SPG11: variants seen among roughly 807,000 people sequenced by gnomAD.
SPG11 encodes SPG11 vesicle trafficking associated, spatacsin, also known as spatacsin.
SPG11 carries 222 observed loss-of-function variants against 274.0 expected under a neutral mutation model. The observed-to-expected ratio is 0.81, with a 90% CI of 0.73 to 0.91. The LOEUF is 0.91. SPG11 is among the 40% of genes least tolerant of loss of function. The pLI, the probability that SPG11 is intolerant of heterozygous loss-of-function variation, is 0.00. For synonymous variants in SPG11, 1,144 were observed against 1,039.7 expected (o/e 1.10, Z -1.93); for missense variants, 3,114 against 2,872.7 (o/e 1.08, Z -1.92).
intron 15 of SPG11, among the ~76,000 whole-genome samples, chr15:44,618,106 G>C (rs899372485): frequency 6.6e-6 from 1 of 152,174 alleles, no homozygotes; most frequent in African/African-American, 2.4e-5. Context: ...AACTTGGTAA[G>C]ACTTGATAGC....
At chr15:44,587,662 C>T (rs1283969716) in intron 28 of SPG11, among the ~76,000 whole-genome samples, 2 of 125,198 alleles carry the variant, frequency 1.6e-5, no homozygotes, top group African/African-American at 6.1e-5. Context: ...TGCCACTGCA[C>T]TCCAGCTTGG....
intron 11 of SPG11, among the ~76,000 whole-genome samples, chr15:44,623,824 G>C (rs1367977743): frequency 6.6e-6 from 1 of 151,964 alleles, no homozygotes; most frequent in African/African-American, 2.4e-5. Flanking sequence ...GCAGTGGTGT[G>C]ATCTCAGGTC....
At chr15:44,567,073 C>A (rs1296364266) in intron 36 of SPG11, among the ~76,000 whole-genome samples, 1 of 150,418 alleles carries the variant, frequency 6.6e-6, no homozygotes, top group Non-Finnish European at 1.5e-5. Flanking sequence ...TATCGAGGGC[C>A]GGGCATGGTG....
chr15:44,606,001 C>A, intron 20 of SPG11, 24 bp downstream of exon 20: 1 of 1,601,616 alleles, frequency 6.2e-7, no homozygotes, highest in Non-Finnish European at 8.6e-7. Flanking sequence ...AAACATGTCT[C>A]AAGAAGTACC....
intron 30 of SPG11, among the ~76,000 whole-genome samples, chr15:44,579,548 A>C (rs1717980226): frequency 1.3e-5 from 2 of 151,650 alleles, no homozygotes. Flanking sequence ...AAAAAAAAAA[A>C]AGAAAAAGCA....
chr15:44,596,735 G>C, intron 24 of SPG11, 49 bp downstream of exon 24: 1 of 1,152,956 alleles, frequency 8.7e-7, no homozygotes, highest in Middle Eastern at 2.5e-4. Flanking sequence ...TATCTTCTAA[G>C]AAGTGTTCCT....
At chr15:44,654,746 G>T (rs562810080) in intron 4 of SPG11, among the ~76,000 whole-genome samples, 1 of 151,940 alleles carries the variant, frequency 6.6e-6, no homozygotes, top group African/African-American at 2.4e-5. Context: ...TGAGACAGGA[G>T]AATCGCTTGA....
Position 44,657,061 on chromosome 15 carries a change from T to A in SPG11, c.869+34A>T, listed in dbSNP as rs759060916. On this transcript the variant is annotated intron_variant, in intron 4 of 39. Transcript: ENST00000261866. The stretch of plus-strand genomic sequence containing the variant: ...TTAACCTCTTATCAGTCTAACTATT[T>A]ACCTCAAATTAGAAACTGCAGTCAT... 8 of 1,589,046 alleles carry A rather than the reference T, an allele frequency of 5.0e-6. No individual in the cohort carries two copies. In the South Asian group the frequency reaches 8.9e-5, roughly 18 times the overall value.
intron 17 of SPG11, among the ~76,000 whole-genome samples, chr15:44,612,662 C>T (rs529290883): frequency 2.8e-4 from 42 of 152,258 alleles, no homozygotes; most frequent in Admixed American, 5.2e-4. Flanking sequence ...TCCCAAAGCA[C>T]TGGGATTACA....
Position 44,621,796 on chromosome 15 carries a change from TGTTA to T in SPG11, c.2579_2582del (p.Leu860HisfsTer10). On this transcript the variant is annotated frameshift_variant, in exon 14 of 40. Coordinates refer to ENST00000261866, the MANE Select transcript of SPG11 (RefSeq NM_025137.4). LOFTEE classifies it high-confidence loss of function. ...TCCTGGGGAGAAGGATGGATTCTTG[TGTTA>T]GTTGATCCCACCACAGAGCCCAATT... 1 of 1,614,066 alleles carries T rather than the reference TGTTA, an allele frequency of 6.2e-7. No individual in the cohort carries two copies. The highest frequency in any genetic ancestry group is 8.5e-7 in the Non-Finnish European group (1 of 1,179,966).
At position 44,569,397 on chromosome 15, in the gene SPG11, C is replaced by A; in HGVS notation, c.6585+1G>T. The A allele has an allele frequency of 6.3e-7, 1 of 1,595,014 alleles. No individual in the cohort carries two copies. The highest frequency in any genetic ancestry group is 1.1e-5 in the South Asian group (1 of 88,394). On this transcript the variant is annotated splice_donor_variant, in intron 35 of 39. Transcript: ENST00000261866. LOFTEE classifies it high-confidence loss of function. ...CCTGGAGCTCATTACTTTGCACCTACCGGATCCAACTTCTTCCTCATTAGC... is the reference window on the plus strand; with the variant it reads ...CCTGGAGCTCATTACTTTGCACCTAACGGATCCAACTTCTTCCTCATTAGC...
In SPG11 at chr15:44,562,846, AAGT is replaced by A. The variant is rs2082220288; in HGVS notation, c.*272_*274del. 4 of 396,762 alleles carry A rather than the reference AAGT, an allele frequency of 1.0e-5. No individual in the cohort carries two copies. Among genetic ancestry groups the A allele is most frequent in the Admixed American group, 8.2e-5 (2 of 24,322 alleles). The allele number at this position is 396,762 out of a possible 1,614,324, so 24.6% of individuals were successfully genotyped here. ...TCTTTAATCATTATTGGATCATCTA[AAGT>A]AGAAGCTGTCCTGAGGAAGAGGAAG... On this transcript the variant is annotated 3_prime_UTR_variant, in exon 40 of 40. Coordinates refer to ENST00000261866, the MANE Select transcript of SPG11 (RefSeq NM_025137.4).
intron 3 of SPG11, 99 bp from the exon 4 acceptor site, chr15:44,657,395 T>G: frequency 9.0e-7 from 1 of 1,113,680 alleles, no homozygotes; most frequent in African/African-American, 1.5e-5. Context: ...CACTCCAATT[T>G]TGTAGGTATA....
In SPG11 at chr15:44,629,255, C is replaced by T. The variant is rs374873830; in HGVS notation, c.1869G>A (p.Lys623=). The T allele has an allele frequency of 1.5e-5, 24 of 1,613,926 alleles. No individual in the cohort carries two copies. In the African/African-American group the frequency reaches 3.1e-4, roughly 21 times the overall value. The part of the protein sequence containing the change: ...LTLSFLNNQI[K]ELFIHTEELD... ...TACCTTCAGTGTGAATGAAAAGCTC[C>T]TTTATTTGGTTGTTAAGGAAAGACA... is the stretch of plus-strand genomic sequence containing the variant. The change falls in exon 9 of 40, where the codon AAG becomes AAA. Residue 623 remains lysine, a synonymous_variant. Coordinates refer to ENST00000261866, the MANE Select transcript of SPG11 (RefSeq NM_025137.4).
intron 2 of SPG11, among the ~76,000 whole-genome samples, chr15:44,659,815 C>T (rs1453290129): frequency 6.6e-6 from 1 of 152,210 alleles, no homozygotes; most frequent in South Asian, 2.1e-4. Context: ...AATCCCAGCA[C>T]TTTGGGAGGC....
intron 9 of SPG11, 128 bp downstream of exon 9, chr15:44,629,105 A>G (rs1237553886): frequency 7.1e-6 from 8 of 1,122,184 alleles, no homozygotes; most frequent in Non-Finnish European, 1.1e-5. Context: ...ACTCAACTAC[A>G]CACTGACCTT....
intron 26 of SPG11, among the ~76,000 whole-genome samples, chr15:44,594,240 C>T (rs2082975272): frequency 6.6e-6 from 1 of 151,326 alleles, no homozygotes; most frequent in South Asian, 2.1e-4. Flanking sequence ...GCCTGGCCAA[C>T]ATGGTGAAAC....
intron 7 of SPG11, among the ~76,000 whole-genome samples, chr15:44,639,330 G>A (rs755625909): frequency 3.3e-5 from 5 of 151,786 alleles, no homozygotes; most frequent in Non-Finnish European, 5.9e-5. Context: ...CAGAGAGAGA[G>A]CGTGTGTGCT....
chr15:44,619,702 A>G (rs1343108239), intron 15 of SPG11, among the ~76,000 whole-genome samples: 1 of 151,602 alleles, frequency 6.6e-6, no homozygotes, highest in Non-Finnish European at 1.5e-5. Context: ...TACTACCCAC[A>G]TGATATTAAA....
Sources: gnomAD v4.1 joint callset for allele counts (sites outside exome capture counted in the v4.1 genomes callset) on GRCh38, gnomAD v4.1.1 for gene constraint, MANE v1.5 for transcripts, NCBI Gene and HGNC (gene_info 2026-07-23, HGNC 2026-07-21) for gene names.